The following SLC12A2 variants were observed in gnomAD, a reference collection of about 807,000 sequenced individuals.
The protein encoded by SLC12A2 is solute carrier family 12 member 2.
SLC12A2 carries 67 observed loss-of-function variants against 136.3 expected under a neutral mutation model. The observed-to-expected ratio is 0.49, with a 90% confidence interval of 0.40 to 0.60. The LOEUF (loss-of-function observed/expected upper bound fraction) is 0.60. SLC12A2 is among the 20% of genes least tolerant of loss of function. The pLI is 0.00. For synonymous variants in SLC12A2, 619 were observed against 562.9 expected (o/e 1.10, Z -1.41); for missense variants, 1,322 against 1,534.7 (o/e 0.86, Z 2.32).
intron 23 of SLC12A2, 151 bp downstream of exon 23, chr5:128,181,145 T>TAGA: frequency 5.2e-6 from 3 of 573,940 alleles, no homozygotes; most frequent in Non-Finnish European, 9.2e-6. Context: ...ATAACCTTGT[T>TAGA]CTCTTTAGTC....
chr5:128,124,015 G>A (rs894262775), intron 4 of SLC12A2, among the ~76,000 whole-genome samples: 5 of 152,246 alleles, frequency 3.3e-5, no homozygotes, highest in East Asian at 1.9e-4. Flanking sequence ...TTCCAGCACC[G>A]TCTGTTAAGG....
chr5:128,103,299 G>T (rs967420172), intron 1 of SLC12A2, among the ~76,000 whole-genome samples: 2 of 152,046 alleles, frequency 1.3e-5, no homozygotes, highest in Admixed American at 6.6e-5. Flanking sequence ...TCCCCATTTC[G>T]CATATGTCGG....
intron 15 of SLC12A2, among the ~76,000 whole-genome samples, chr5:128,155,761 T>G (rs1384920954): frequency 6.6e-6 from 1 of 152,192 alleles, no homozygotes; most frequent in African/African-American, 2.4e-5. Context: ...GTTGAAGTCC[T>G]TAATGTAGAT....
intron 1 of SLC12A2, among the ~76,000 whole-genome samples, chr5:128,105,007 CAT>C (rs71812089): frequency 0.037 from 5,571 of 152,174 alleles, 357 homozygotes; most frequent in African/African-American, 0.13. Flanking sequence ...CTCATTATAA[CAT>C]GTGGAATTCT....
At chr5:128,108,813 A>C (rs925214166) in intron 1 of SLC12A2, among the ~76,000 whole-genome samples, 1 of 152,196 alleles carries the variant, frequency 6.6e-6, no homozygotes, top group African/African-American at 2.4e-5. Context: ...AGCTTAATAA[A>C]GTTTAAAAAC....
intron 1 of SLC12A2, among the ~76,000 whole-genome samples, chr5:128,106,524 T>TA (rs929071567): frequency 6.6e-6 from 1 of 152,186 alleles, no homozygotes; most frequent in Non-Finnish European, 1.5e-5. Context: ...TTAAGTCTAC[T>TA]AATTGAACTA....
At chr5:128,121,026 G>C (rs1418359627) in intron 4 of SLC12A2, among the ~76,000 whole-genome samples, 1 of 152,064 alleles carries the variant, frequency 6.6e-6, no homozygotes, top group African/African-American at 2.4e-5. Context: ...GCGGAAGTGT[G>C]AATTCAGTGA....
At chr5:128,126,971 T>TAA (rs1347112296) in intron 4 of SLC12A2, among the ~76,000 whole-genome samples, 19 of 122,994 alleles carry the variant, frequency 1.5e-4, no homozygotes, top group African/African-American at 6.1e-4. Context: ...TATATATTTT[T>TAA]TTTTTTTTTT....
At chr5:128,158,368 G>T (rs1762929863) in intron 16 of SLC12A2, among the ~76,000 whole-genome samples, 1 of 151,900 alleles carries the variant, frequency 6.6e-6, no homozygotes, top group South Asian at 2.1e-4. Context: ...GTAGCCTCAA[G>T]TAGGCCTCAG....
chr5:128,123,332 T>C (rs2126684405), intron 4 of SLC12A2, among the ~76,000 whole-genome samples: 1 of 152,304 alleles, frequency 6.6e-6, no homozygotes, highest in South Asian at 2.1e-4. Flanking sequence ...GCAAACTCCT[T>C]ATTTTTATTT....
intron 4 of SLC12A2, among the ~76,000 whole-genome samples, chr5:128,124,806 G>A (rs1201957913): frequency 6.6e-6 from 1 of 152,076 alleles, no homozygotes; most frequent in African/African-American, 2.4e-5. Context: ...GGTAATGGGG[G>A]TATTGAAAGT....
chr5:128,131,209 A>G lies in SLC12A2; in HGVS notation c.1188+3A>G. The G allele has an allele frequency of 6.2e-7, 1 of 1,613,864 alleles. No individual in the cohort carries two copies. On this transcript the variant is annotated splice_donor_region_variant and intron_variant, in intron 5 of 26. Coordinates refer to ENST00000262461, the MANE Select transcript of SLC12A2 (RefSeq NM_001046.3). ...AAACCGTGGTGGAGTTGCTTAAGGT[A>G]ATTCACCTTCCTTCTAGTCATTCGT...
rs535757373 is a variant in SLC12A2 at position 128,084,056 on chromosome 5, G to A, written c.102G>A (p.Leu34=). 3.7e-3 allele frequency: 4,868 copies of A among 1,302,660 alleles called. 13 individuals carry two copies. The highest frequency in any genetic ancestry group is 4.4e-3 in the Non-Finnish European group (4,522 of 1,029,142). The allele number at this position is 1,302,660 out of a possible 1,614,324, so 80.7% of individuals were successfully genotyped here. A position where few individuals can be genotyped will look rare whatever the true frequency, so the allele number is the denominator to read the frequency against. ...AAALAAARVE[L]PGTAVPSVPE... is the part of the protein sequence containing the mutation. ...CGCTGGCCGCAGCCAGGGTGGAACT[G>A]CCCGGCACGGCTGTGCCCTCGGTGC... Residue 34 remains leucine, a synonymous_variant, in exon 1 of 27, where the codon CTG becomes CTA. Coordinates refer to ENST00000262461, the MANE Select transcript of SLC12A2 (RefSeq NM_001046.3). This position sits in a 1 kb window ranked among gnomAD's most constrained non-coding sequence, Gnocchi z 5.6.
At chr5:128,100,447 G>A (rs888186474) in intron 1 of SLC12A2, among the ~76,000 whole-genome samples, 3 of 152,100 alleles carry the variant, frequency 2.0e-5, no homozygotes, top group Admixed American at 2.0e-4. Context: ...TTTTGGATTA[G>A]GGATGCTGAA....
intron 5 of SLC12A2, among the ~76,000 whole-genome samples, chr5:128,131,665 C>A (rs1475448515): frequency 6.6e-6 from 1 of 151,838 alleles, no homozygotes; most frequent in Non-Finnish European, 1.5e-5. Context: ...GACGGCACCA[C>A]TGCACTCCAG....
intron 1 of SLC12A2, among the ~76,000 whole-genome samples, chr5:128,091,631 G>T (rs932862226): frequency 1.4e-4 from 21 of 152,106 alleles, no homozygotes; most frequent in Non-Finnish European, 2.5e-4. Context: ...GCCCTCCTTT[G>T]TCTTTTTCCA....
rs577797805 is a variant in SLC12A2, at chr5:128,126,639, T to C, written c.1049-4428T>C. Among the ~76,000 whole-genome samples the C allele has an allele frequency of 3.9e-5, 6 of 152,254 alleles. 1 individual carries two copies. The South Asian group carries it at 1.2e-3, about 32-fold the overall frequency. On this transcript the variant is annotated intron_variant, in intron 4 of 26. Transcript: ENST00000262461. Reference sequence around the variant, plus strand: ...ATCTGAATAGAGATGGTTTTTACTTTTTCTTTCAAATCTCTAGGACTTTTC... The same window carrying C: ...ATCTGAATAGAGATGGTTTTTACTTCTTCTTTCAAATCTCTAGGACTTTTC...
At chr5:128,125,239 C>T (rs1005554636) in intron 4 of SLC12A2, among the ~76,000 whole-genome samples, 1 of 152,176 alleles carries the variant, frequency 6.6e-6, no homozygotes, top group South Asian at 2.1e-4. Flanking sequence ...CACAGCTTTA[C>T]TGTTCACCTA....
intron 25 of SLC12A2, 45 bp from the exon 26 acceptor site, chr5:128,184,744 C>A: frequency 3.1e-6 from 5 of 1,609,244 alleles, no homozygotes; most frequent in Non-Finnish European, 4.2e-6. Flanking sequence ...ATGCTAAATT[C>A]TTATTTCCAC....
Sources: allele counts gnomAD v4.1 joint callset (sites outside exome capture counted in the v4.1 genomes callset), GRCh38; gene constraint gnomAD v4.1.1; non-coding constraint Gnocchi (gnomAD v3.1); transcripts MANE v1.5; gene names NCBI Gene and HGNC (gene_info 2026-07-23, HGNC 2026-07-21).